CPNE3: variants seen among roughly 807,000 people sequenced by gnomAD.
CPNE3 encodes copine 3.
CPNE3 carries 68 observed loss-of-function variants against 63.9 expected under a neutral mutation model. The ratio of observed to expected loss-of-function variants is 1.06; its 90% confidence interval spans 0.87 to 1.30. CPNE3 has a LOEUF of 1.30. Among genes scored for constraint, CPNE3 ranks in the 50% most tolerant of loss-of-function variants. The pLI, the probability that CPNE3 is intolerant of heterozygous loss-of-function variation, is 0.00. For missense variants in CPNE3, 665 were observed against 578.1 expected, an observed-to-expected ratio of 1.15 and a Z score of -1.54; for synonymous variants, 219 against 197.5, an observed-to-expected ratio of 1.11 and a Z score of -0.91.
Position 86,560,253 on chromosome 8 carries a change from G to GA in CPNE3, c.*1846dup, listed in dbSNP as rs1821409664. On this transcript the variant is annotated 3_prime_UTR_variant, in exon 17 of 17. Transcript: ENST00000517490. ...TGTTCTAATTCTCTTTGTATGCTTG[G>GA]AAACAGCATAGATATGTTGCTGTGG... 6.6e-6 allele frequency: 1 copy of GA among 152,168 alleles called. No individual in the cohort carries two copies. Among genetic ancestry groups the GA allele is most frequent in the South Asian group, 2.1e-4 (1 of 4,826 alleles). 9.4% of individuals were successfully genotyped at this position (152,168 alleles called of 1,614,324 possible). A position where few individuals can be genotyped will look rare whatever the true frequency, so the allele number is the denominator to read the frequency against.
intron 6 of CPNE3, among the ~76,000 whole-genome samples, chr8:86,535,383 A>C (rs1820781434): frequency 6.6e-6 from 1 of 151,914 alleles, no homozygotes; most frequent in South Asian, 2.1e-4. Flanking sequence ...ATTCAAATAT[A>C]GAATTACTGG....
intron 2 of CPNE3, 52 bp downstream of exon 2, chr8:86,515,551 C>T (rs1820278720): frequency 6.6e-6 from 1 of 152,208 alleles, no homozygotes; most frequent in Non-Finnish European, 1.5e-5. Context: ...TTTTAGGGCA[C>T]AGGCTTTATT....
At chr8:86,525,320 C>T (rs1267991631) in intron 2 of CPNE3, among the ~76,000 whole-genome samples, 1 of 152,146 alleles carries the variant, frequency 6.6e-6, no homozygotes, top group Non-Finnish European at 1.5e-5. Flanking sequence ...TATACTATTG[C>T]TCTCTTAAAA....
chr8:86,536,815 C>T (rs574107885), intron 6 of CPNE3, among the ~76,000 whole-genome samples: 4 of 152,206 alleles, frequency 2.6e-5, no homozygotes, highest in African/African-American at 9.6e-5. Flanking sequence ...GTGAGTGATT[C>T]GTACATTTTT....
chr8:86,519,873 C>G (rs2131419832), intron 2 of CPNE3, among the ~76,000 whole-genome samples: 1 of 152,226 alleles, frequency 6.6e-6, no homozygotes, highest in Admixed American at 6.5e-5. Context: ...GCCATCATGC[C>G]CAGCTAATTT....
At chr8:86,517,109 T>C (rs1160252303) in intron 2 of CPNE3, among the ~76,000 whole-genome samples, 6 of 152,198 alleles carry the variant, frequency 3.9e-5, no homozygotes, top group Non-Finnish European at 1.5e-5. Context: ...TTCTTGTTCT[T>C]GCTTGTGAGT....
intron 2 of CPNE3, among the ~76,000 whole-genome samples, chr8:86,524,333 T>C (rs1391644550): frequency 6.6e-6 from 1 of 152,182 alleles, no homozygotes; most frequent in African/African-American, 2.4e-5. Context: ...ACTTTAAATA[T>C]TAGGTCTTAA....
rs1797407633 is a variant in CPNE3, at chr8:86,561,024, A to G, written c.*2614A>G. ...CTAGTCACCTAACCTTGTGGTTAGA[A>G]TTGCAATTTTAAGACCAGAAAAATT... On this transcript the variant is annotated 3_prime_UTR_variant, in exon 17 of 17. Coordinates refer to ENST00000517490, the MANE Select transcript of CPNE3 (RefSeq NM_003909.5). 1 of 152,214 alleles carries G rather than the reference A, an allele frequency of 6.6e-6. No individual in the cohort carries two copies. Among genetic ancestry groups the G allele is most frequent in the South Asian group, 2.1e-4 (1 of 4,834 alleles). 9.4% of individuals were successfully genotyped at this position (152,214 alleles called of 1,614,324 possible). A position where few individuals can be genotyped will look rare whatever the true frequency, so the allele number is the denominator to read the frequency against.
intron 7 of CPNE3, among the ~76,000 whole-genome samples, chr8:86,539,409 AT>A (rs1397423635): frequency 1.3e-5 from 2 of 152,184 alleles, no homozygotes; most frequent in African/African-American, 4.8e-5. Flanking sequence ...GAATGTGCTC[AT>A]TGCTACTGGA....
chr8:86,540,320 G>A lies in CPNE3; in HGVS notation c.619G>A (p.Asp207Asn), dbSNP rs757206461. 10 of 1,512,608 alleles carry A rather than the reference G, an allele frequency of 6.6e-6. No individual in the cohort carries two copies. Among genetic ancestry groups the A allele is most frequent in the Non-Finnish European group, 8.8e-6 (10 of 1,130,438 alleles). 93.7% of individuals were successfully genotyped at this position (1,512,608 alleles called of 1,614,324 possible). ...TAACTCACTGTGTTACGGAGATATG[G>A]ACAAAACCATTAAGGTAAGTTGAAA... is the stretch of plus-strand genomic sequence containing the variant. ...SLNSLCYGDM[D>N]KTIKVECYDY... is the part of the protein sequence containing the mutation. Residue 207 changes from aspartate to asparagine, a missense_variant, in exon 8 of 17, where the codon GAC (aspartate) becomes AAC (asparagine). By Grantham distance (23) the Asp-to-Asn change is conservative (BLOSUM62 1). Coordinates refer to ENST00000517490, the MANE Select transcript of CPNE3 (RefSeq NM_003909.5).
intron 8 of CPNE3, among the ~76,000 whole-genome samples, chr8:86,544,332 ACTTC>A (rs1310390484): frequency 6.6e-6 from 1 of 152,208 alleles, no homozygotes; most frequent in Non-Finnish European, 1.5e-5. Context: ...TAGAATGTTG[ACTTC>A]CTTTCTTTCT....
rs80298950 is a variant in CPNE3, at chr8:86,528,918, C to T, written c.133-27C>T. The T allele has an allele frequency of 1.5e-3, 2,330 of 1,584,884 alleles. 33 individuals are homozygous for T. In the African/African-American group the frequency reaches 0.025, roughly 17 times the overall value. On this transcript the variant is annotated intron_variant, in intron 3 of 16. Transcript: ENST00000517490. ...CAAGTGCACCTTTGATCTGAAGAAA[C>T]TTTTTTGTTTTTGCGGATGGGTGTA...
chr8:86,533,282 C>G (rs1387429194), intron 6 of CPNE3, among the ~76,000 whole-genome samples: 4 of 152,114 alleles, frequency 2.6e-5, no homozygotes, highest in Admixed American at 2.0e-4. Context: ...GTGGCTCATG[C>G]CTGTAATCCC....
intron 7 of CPNE3, among the ~76,000 whole-genome samples, chr8:86,539,954 C>T (rs561729793): frequency 2.4e-4 from 36 of 152,058 alleles, no homozygotes; most frequent in Non-Finnish European, 4.3e-4. Context: ...TGTGAGCCAC[C>T]GCGCCCAGCC....
rs199875442 is a variant in CPNE3, at chr8:86,551,111, A to G, written c.1068+11A>G. 48 of 1,612,822 alleles carry G rather than the reference A, an allele frequency of 3.0e-5. No homozygotes were observed. Among genetic ancestry groups the G allele is most frequent in the South Asian group, 1.8e-4 (16 of 90,846 alleles). The stretch of plus-strand genomic sequence containing the variant: ...CCTCCTCAGTGGCAGGTAAGAGGAA[A>G]TCTCTATTTTAAAGCTTTGCCTCCT... On this transcript the variant is annotated intron_variant, in intron 13 of 16. Transcript: ENST00000517490.
At chr8:86,551,710 A>G (rs1280809506) in intron 14 of CPNE3, among the ~76,000 whole-genome samples, 1 of 152,216 alleles carries the variant, frequency 6.6e-6, no homozygotes, top group African/African-American at 2.4e-5. Context: ...CTCACACAGT[A>G]TTCTATAAGT....
chr8:86,518,116 C>T (rs978527882), intron 2 of CPNE3, among the ~76,000 whole-genome samples: 3 of 152,088 alleles, frequency 2.0e-5, no homozygotes, highest in African/African-American at 4.8e-5. Flanking sequence ...ATTTGTTCAC[C>T]GTGAACTAGA....
At chr8:86,515,107 G>A (rs1820253771) in intron 1 of CPNE3, 1 of 152,250 alleles carries the variant, frequency 6.6e-6, no homozygotes, top group Non-Finnish European at 1.5e-5. Flanking sequence ...AGGAGATTGT[G>A]AGAAGTAGTC....
chr8:86,520,730 GCTCACTGCAACCT>G (rs1220135647), intron 2 of CPNE3, among the ~76,000 whole-genome samples: 1 of 148,462 alleles, frequency 6.7e-6, no homozygotes, highest in Non-Finnish European at 1.5e-5. Context: ...CGCAATCTTG[GCTCACTGCAACCT>G]CTACCTCTGG....
Sources: gnomAD v4.1 joint callset for allele counts (sites outside exome capture counted in the v4.1 genomes callset) on GRCh38, gnomAD v4.1.1 for gene constraint, MANE v1.5 for transcripts, NCBI Gene and HGNC (gene_info 2026-07-23, HGNC 2026-07-21) for gene names.